TLE4: variants seen among roughly 807,000 people sequenced by gnomAD.
TLE4 encodes the protein transducin-like enhancer protein 4.
TLE4 carries 8 observed loss-of-function variants against 92.8 expected under a neutral mutation model. That is an observed-to-expected ratio of 0.09 (90% CI 0.05 to 0.16). The LOEUF (loss-of-function observed/expected upper bound fraction) is 0.16. TLE4 is among the 10% of genes least tolerant of loss of function. The probability of loss-of-function intolerance (pLI) is 1.00; values close to 1 mark genes in which losing one functional copy is unlikely to be tolerated. For missense variants in TLE4, 675 were observed against 997.6 expected, an observed-to-expected ratio of 0.68 and a Z score of 4.36; for synonymous variants, 371 against 374.1, an observed-to-expected ratio of 0.99 and a Z score of 0.10.
intron 14 of TLE4, among the ~76,000 whole-genome samples, chr9:79,710,589 G>T (rs1364494367): frequency 6.6e-6 from 1 of 152,122 alleles, no homozygotes; most frequent in Non-Finnish European, 1.5e-5. Context: ...TTCTCCCAGA[G>T]GCTTCCCTGG....
chr9:79,596,103 C>T (rs2043933552), intron 4 of TLE4, among the ~76,000 whole-genome samples: 1 of 152,094 alleles, frequency 6.6e-6, no homozygotes, highest in Non-Finnish European at 1.5e-5. Flanking sequence ...GCCCTGGCCT[C>T]CCAAAGTGCT....
chr9:79,679,169 T>C (rs2063900327), intron 8 of TLE4, among the ~76,000 whole-genome samples: 1 of 152,078 alleles, frequency 6.6e-6, no homozygotes, highest in African/African-American at 2.4e-5. Context: ...ATGGTATTTC[T>C]AGTTCTAGAT....
At chr9:79,584,603 G>A (rs908100801) in intron 4 of TLE4, among the ~76,000 whole-genome samples, 13 of 152,134 alleles carry the variant, frequency 8.5e-5, no homozygotes, top group African/African-American at 1.4e-4. Flanking sequence ...GTAGATGCTG[G>A]TGCGCAATAA....
At chr9:79,713,298 T>C (rs991273872) in intron 14 of TLE4, among the ~76,000 whole-genome samples, 4 of 152,246 alleles carry the variant, frequency 2.6e-5, no homozygotes, top group African/African-American at 7.2e-5. Context: ...ATATAACAAG[T>C]TTGACACACA....
At chr9:79,642,931 A>G (rs566339241) in intron 6 of TLE4, among the ~76,000 whole-genome samples, 2 of 152,312 alleles carry the variant, frequency 1.3e-5, no homozygotes, top group Non-Finnish European at 2.9e-5. Flanking sequence ...ATTGCTCTAA[A>G]TGCATGTCTT....
intron 14 of TLE4, among the ~76,000 whole-genome samples, chr9:79,711,446 A>G (rs1324510873): frequency 2.6e-5 from 4 of 152,222 alleles, no homozygotes; most frequent in African/African-American, 9.6e-5. Flanking sequence ...AATGACTCAG[A>G]TACCTACAAG....
At chr9:79,586,950 G>T (rs544329644) in intron 4 of TLE4, among the ~76,000 whole-genome samples, 2 of 151,998 alleles carry the variant, frequency 1.3e-5, no homozygotes, top group Non-Finnish European at 2.9e-5. Context: ...CCCTTTTTTT[G>T]TGTGGGTTAG....
intron 4 of TLE4, among the ~76,000 whole-genome samples, chr9:79,605,154 A>G (rs2046511613): frequency 6.6e-6 from 1 of 152,128 alleles, no homozygotes; most frequent in South Asian, 2.1e-4. Context: ...CAGAGTAATC[A>G]GGTTCTCTGA....
chr9:79,666,302 A>G (rs1302775742), intron 8 of TLE4, among the ~76,000 whole-genome samples: 1 of 146,004 alleles, frequency 6.8e-6, no homozygotes, highest in Non-Finnish European at 1.5e-5. Context: ...ATCTCGGCTC[A>G]CTGCAATCTC....
chr9:79,690,174 C>T (rs763273591), intron 8 of TLE4, among the ~76,000 whole-genome samples: 7 of 152,196 alleles, frequency 4.6e-5, no homozygotes, highest in Non-Finnish European at 1.0e-4. Context: ...AGCCACCTCA[C>T]ATGCACATGC....
intron 4 of TLE4, among the ~76,000 whole-genome samples, chr9:79,612,396 TA>T (rs1439640886): frequency 6.6e-6 from 1 of 152,126 alleles, no homozygotes; most frequent in Non-Finnish European, 1.5e-5. Flanking sequence ...TCATGGAAAT[TA>T]AATTCCATTT....
chr9:79,635,607 C>T (rs1320472942), intron 6 of TLE4, among the ~76,000 whole-genome samples: 1 of 147,150 alleles, frequency 6.8e-6, no homozygotes, highest in Non-Finnish European at 1.5e-5. Context: ...GACATGGATT[C>T]AGTTTTTCTA....
At chr9:79,629,654 C>G (rs1232902824) in intron 6 of TLE4, among the ~76,000 whole-genome samples, 1 of 152,150 alleles carries the variant, frequency 6.6e-6, no homozygotes, top group Admixed American at 6.5e-5. Context: ...CTCTTGGTAT[C>G]TGAGCAGAAA....
At chr9:79,642,951 G>A (rs981895515) in intron 6 of TLE4, among the ~76,000 whole-genome samples, 1 of 152,162 alleles carries the variant, frequency 6.6e-6, no homozygotes, top group Non-Finnish European at 1.5e-5. Flanking sequence ...TCTCCCTATA[G>A]TAAATCTCAT....
intron 6 of TLE4, among the ~76,000 whole-genome samples, chr9:79,633,445 A>G (rs1355837883): frequency 6.6e-6 from 1 of 152,136 alleles, no homozygotes; most frequent in African/African-American, 2.4e-5. Flanking sequence ...ATGCACTTCC[A>G]TCGCTGTAGA....
rs1206595521 is a variant in TLE4, at chr9:79,612,667, C to T, written c.264C>T (p.Val88=). The change falls in exon 5 of 20, where the codon GTC becomes GTT. Residue 88 remains valine (V), a synonymous_variant. Transcript: ENST00000376552. ...CTTATTTTTTGCAGGCAGAGATTGTCAAGAGGCTGAATGCTATCTGTGCAC... is the reference window on the plus strand; with the variant it reads ...CTTATTTTTTGCAGGCAGAGATTGTTAAGAGGCTGAATGCTATCTGTGCAC... The part of the protein sequence containing the change: ...NIEMHKQAEI[V]KRLNAICAQV... The T allele has an allele frequency of 6.2e-7, 1 of 1,613,050 alleles. No individual in the cohort carries two copies. Among genetic ancestry groups the T allele is most frequent in the South Asian group, 1.1e-5 (1 of 91,056 alleles).
intron 6 of TLE4, among the ~76,000 whole-genome samples, chr9:79,635,392 T>G (rs1372849898): frequency 6.6e-6 from 1 of 152,104 alleles, no homozygotes; most frequent in Non-Finnish European, 1.5e-5. Flanking sequence ...AGTTTAACAT[T>G]GTCAAAGTTA....
At chr9:79,635,686 AACC>A in intron 6 of TLE4, among the ~76,000 whole-genome samples, 1 of 151,924 alleles carries the variant, frequency 6.6e-6, no homozygotes, top group Non-Finnish European at 1.5e-5. Context: ...AAAATCAATT[AACC>A]TTATATGTAT....
rs527357757 is a variant in TLE4 at position 79,719,897 on chromosome 9, T to C, written c.1591-149T>C. ...GTACTTCCCTAATTTCATGTAATTT[T>C]CTAGCATTAATCCACTTTATCATTG... is the stretch of plus-strand genomic sequence containing the variant. On this transcript the variant is annotated intron_variant, in intron 15 of 19. Coordinates refer to ENST00000376552, the MANE Select transcript of TLE4 (RefSeq NM_007005.6). The C allele has an allele frequency of 2.8e-5, 29 of 1,041,940 alleles. No individual in the cohort carries two copies. In the African/African-American group the frequency reaches 4.6e-4, roughly 17 times the overall value. 64.5% of individuals were successfully genotyped at this position (1,041,940 alleles called of 1,614,324 possible).
Sources: gnomAD v4.1 joint callset for allele counts (sites outside exome capture counted in the v4.1 genomes callset) on GRCh38, gnomAD v4.1.1 for gene constraint, MANE v1.5 for transcripts, NCBI Gene and HGNC (gene_info 2026-07-23, HGNC 2026-07-21) for gene names.